The following SGCD variants were observed in gnomAD, a reference collection of about 807,000 sequenced individuals.
The protein encoded by SGCD is sarcoglycan delta.
Under a neutral mutation model 36.6 loss-of-function variants are expected in SGCD, and 18 were observed. The observed-to-expected ratio is 0.49, with a 90% CI of 0.34 to 0.73. SGCD has a LOEUF of 0.73. Among genes scored for constraint, SGCD ranks in the 30% least tolerant of loss-of-function variants. The pLI, the probability that SGCD is intolerant of heterozygous loss-of-function variation, is 0.01. For missense variants in SGCD, 387 were observed against 346.7 expected, an observed-to-expected ratio of 1.12 and a Z score of -0.92; for synonymous variants, 133 against 130.6, an observed-to-expected ratio of 1.02 and a Z score of -0.12.
At chr5:156,125,537 G>T (rs749142078) in intron 3 of SGCD, among the ~76,000 whole-genome samples, 2 of 151,946 alleles carry the variant, frequency 1.3e-5, no homozygotes, top group African/African-American at 2.4e-5. Context: ...GAGATGGGCG[G>T]ACATGTAAGA....
At chr5:155,777,398 C>G in the SGCD span, among the ~76,000 whole-genome samples, 1 of 149,762 alleles carries the variant, frequency 6.7e-6, no homozygotes, top group African/African-American at 2.5e-5. Context: ...GCTCTGTTGT[C>G]CAGGCTGGAG....
chr5:155,973,368 A>T (rs751046075), intron 1 of SGCD, among the ~76,000 whole-genome samples: 1 of 152,184 alleles, frequency 6.6e-6, no homozygotes, highest in Non-Finnish European at 1.5e-5. Context: ...TTAGCTCTAC[A>T]CTGAGAAGGT....
chr5:156,125,064 G>A (rs1561529775), intron 3 of SGCD, among the ~76,000 whole-genome samples: 1 of 152,092 alleles, frequency 6.6e-6, no homozygotes, highest in East Asian at 1.9e-4. Context: ...AAAAGCACTG[G>A]GGAAAAGATG....
intron 1 of SGCD, among the ~76,000 whole-genome samples, chr5:156,083,743 T>C (rs529511588): frequency 1.3e-5 from 2 of 152,220 alleles, no homozygotes; most frequent in South Asian, 4.1e-4. Flanking sequence ...TTTGAGCTAG[T>C]TTTTGTGTAA....
chr5:156,195,481 A>C (rs779819692), intron 3 of SGCD, among the ~76,000 whole-genome samples: 2 of 152,166 alleles, frequency 1.3e-5, no homozygotes, highest in Non-Finnish European at 2.9e-5. Context: ...GAAAATTGTG[A>C]TGAGTTATTT....
intron 3 of SGCD, among the ~76,000 whole-genome samples, chr5:156,169,261 C>T (rs1225956551): frequency 6.6e-6 from 1 of 152,230 alleles, no homozygotes; most frequent in Non-Finnish European, 1.5e-5. Context: ...TTACAGTACT[C>T]AGGCCTCCTC....
chr5:155,882,239 C>T (rs6860291), intron 1 of SGCD, among the ~76,000 whole-genome samples: 6 of 151,558 alleles, frequency 4.0e-5, no homozygotes, highest in African/African-American at 1.2e-4. Flanking sequence ...CTACACCTGA[C>T]TTTTTTTTAA....
chr5:156,505,595 T>G (rs889412558), intron 3 of SGCD, among the ~76,000 whole-genome samples: 1 of 152,212 alleles, frequency 6.6e-6, no homozygotes, highest in African/African-American at 2.4e-5. Flanking sequence ...CAGGGGCGGC[T>G]GCTGCTCACC....
chr5:156,073,847 G>T (rs1449075833), intron 1 of SGCD, among the ~76,000 whole-genome samples: 1 of 152,214 alleles, frequency 6.6e-6, no homozygotes, highest in African/African-American at 2.4e-5. Context: ...CATATGTTCA[G>T]TTGAAAGAGT....
chr5:155,741,882 G>A, the SGCD span, among the ~76,000 whole-genome samples: 11,855 of 151,820 alleles, frequency 0.078, 560 homozygotes, highest in African/African-American at 0.12. Flanking sequence ...ACAGGGTTTT[G>A]CCATGTTGCC....
chr5:156,526,434 C>T (rs1757643695), intron 4 of SGCD, among the ~76,000 whole-genome samples: 1 of 152,138 alleles, frequency 6.6e-6, no homozygotes, highest in Admixed American at 6.5e-5. Flanking sequence ...CCCAAGTGAA[C>T]ACACTGCACA....
intron 4 of SGCD, among the ~76,000 whole-genome samples, chr5:156,521,423 C>T (rs1757399469): frequency 6.6e-6 from 1 of 152,082 alleles, no homozygotes; most frequent in Non-Finnish European, 1.5e-5. Flanking sequence ...AGACAACCTA[C>T]AGAATGGGAG....
chr5:155,908,393 T>C (rs1245414176), intron 1 of SGCD, among the ~76,000 whole-genome samples: 1 of 152,154 alleles, frequency 6.6e-6, no homozygotes, highest in Non-Finnish European at 1.5e-5. Context: ...GTGCACAGTT[T>C]GGTGTATACT....
intron 1 of SGCD, among the ~76,000 whole-genome samples, chr5:155,881,890 A>T (rs1755895998): frequency 6.6e-6 from 1 of 152,214 alleles, no homozygotes; most frequent in South Asian, 2.1e-4. Flanking sequence ...GCAACTGCTC[A>T]TTCATTGAAG....
At chr5:156,454,006 G>C (rs2127809383) in intron 3 of SGCD, among the ~76,000 whole-genome samples, 1 of 152,322 alleles carries the variant, frequency 6.6e-6, no homozygotes, top group South Asian at 2.1e-4. Context: ...GTTGGAGTTA[G>C]AAGTGTTCTG....
chr5:156,083,734 T>C (rs1373786857), intron 1 of SGCD, among the ~76,000 whole-genome samples: 2 of 152,130 alleles, frequency 1.3e-5, no homozygotes, highest in African/African-American at 4.8e-5. Flanking sequence ...GTCTATTTCT[T>C]TGAGCTAGTT....
At chr5:155,861,664 G>A in the SGCD span, among the ~76,000 whole-genome samples, 1 of 152,126 alleles carries the variant, frequency 6.6e-6, no homozygotes, top group African/African-American at 2.4e-5. Context: ...GTTGCAGTGA[G>A]CCAAGATTGT....
chr5:156,165,088 T>C (rs986097090), intron 3 of SGCD, among the ~76,000 whole-genome samples: 1 of 152,216 alleles, frequency 6.6e-6, no homozygotes, highest in South Asian at 2.1e-4. Flanking sequence ...TCAAGAGACC[T>C]CACCAGGGAA....
chr5:156,563,394 G>C (rs1053603078), intron 4 of SGCD, among the ~76,000 whole-genome samples: 3 of 152,130 alleles, frequency 2.0e-5, no homozygotes, highest in Non-Finnish European at 4.4e-5. Context: ...GAGACACAGA[G>C]AGACCAAGGG....
Sources: allele counts gnomAD v4.1 joint callset (sites outside exome capture counted in the v4.1 genomes callset), GRCh38; gene constraint gnomAD v4.1.1; transcripts MANE v1.5; gene names NCBI Gene and HGNC (gene_info 2026-07-23, HGNC 2026-07-21).